UTRN: variants seen among roughly 807,000 people sequenced by gnomAD.
UTRN encodes the protein dystrophin-related protein 1.
A neutral mutation model predicts 463.9 loss-of-function variants in UTRN; 283 were observed. The ratio of observed to expected loss-of-function variants is 0.61; its 90% CI spans 0.55 to 0.67. UTRN has a LOEUF of 0.67. UTRN is among the 30% of genes least tolerant of loss of function. The pLI is 0.00. For missense variants in UTRN, 3,922 were observed against 4,084.3 expected, an observed-to-expected ratio of 0.96 and a Z score of 1.08; for synonymous variants, 1,442 against 1,431.5, an observed-to-expected ratio of 1.01 and a Z score of -0.17.
rs1801511213 is a variant in UTRN, at chr6:144,577,088, G to A, written c.7290-11G>A. 1 of 1,611,758 alleles carries A rather than the reference G, an allele frequency of 6.2e-7. No homozygotes were observed. The highest frequency in any genetic ancestry group is 8.5e-7 in the Non-Finnish European group (1 of 1,178,372). ...AGTAATGGAGCCGTGCTGTCATATT[G>A]TTACTTTCAGTATTGCTGACAGACA... On this transcript the variant is annotated splice_polypyrimidine_tract_variant and intron_variant, in intron 50 of 74. Coordinates refer to ENST00000367545, the MANE Select transcript of UTRN (RefSeq NM_007124.3).
intron 64 of UTRN, among the ~76,000 whole-genome samples, chr6:144,799,084 G>T (rs530071533): frequency 1.9e-4 from 29 of 152,204 alleles, no homozygotes; most frequent in Non-Finnish European, 3.1e-4. Context: ...GTACCAATAC[G>T]GTGATTCTCT....
At chr6:144,427,316 A>G (rs533401838) in intron 7 of UTRN, among the ~76,000 whole-genome samples, 1 of 152,322 alleles carries the variant, frequency 6.6e-6, no homozygotes, top group East Asian at 1.9e-4. Context: ...TTATTGTTGT[A>G]AATGATTACT....
chr6:144,507,880 A>G (rs1794820029), intron 34 of UTRN, among the ~76,000 whole-genome samples: 3 of 152,140 alleles, frequency 2.0e-5, no homozygotes, highest in African/African-American at 7.2e-5. Flanking sequence ...CCTTTCCCCC[A>G]GGTGCTCTGT....
At chr6:144,773,427 C>T (rs763516766) in intron 59 of UTRN, among the ~76,000 whole-genome samples, 3 of 152,174 alleles carry the variant, frequency 2.0e-5, no homozygotes, top group Non-Finnish European at 2.9e-5. Context: ...GCTTTCTCTT[C>T]ATCACCTTCC....
intron 2 of UTRN, among the ~76,000 whole-genome samples, chr6:144,327,940 G>A (rs978175931): frequency 1.3e-5 from 2 of 151,982 alleles, no homozygotes; most frequent in East Asian, 1.9e-4. Flanking sequence ...GCGAAACTCC[G>A]TCTCAAAACA....
chr6:144,315,643 C>T (rs1775235032), intron 2 of UTRN, among the ~76,000 whole-genome samples: 1 of 152,258 alleles, frequency 6.6e-6, no homozygotes, highest in Non-Finnish European at 1.5e-5. Flanking sequence ...GTCTGATGGA[C>T]ACACTACTTC....
chr6:144,823,969 C>T (rs896884342), intron 66 of UTRN, among the ~76,000 whole-genome samples: 3 of 151,986 alleles, frequency 2.0e-5, no homozygotes, highest in Non-Finnish European at 4.4e-5. Context: ...AGTTAACATC[C>T]GACTAGAAGG....
At chr6:144,456,309 T>C (rs1403936025) in intron 19 of UTRN, among the ~76,000 whole-genome samples, 1 of 152,146 alleles carries the variant, frequency 6.6e-6, no homozygotes, top group East Asian at 1.9e-4. Context: ...CCTAATGCAT[T>C]TTACATAAGT....
intron 51 of UTRN, among the ~76,000 whole-genome samples, chr6:144,629,911 C>A (rs573370763): frequency 2.6e-5 from 4 of 152,246 alleles, no homozygotes; most frequent in African/African-American, 9.6e-5. Flanking sequence ...TCTGGCCGGG[C>A]GTAGTGGCTC....
At chr6:144,845,383 C>T (rs577563934) in intron 73 of UTRN, among the ~76,000 whole-genome samples, 3 of 152,280 alleles carry the variant, frequency 2.0e-5, no homozygotes, top group Admixed American at 2.0e-4. Context: ...CCAAGAAATG[C>T]TTTCAAAATT....
At chr6:144,739,292 A>G (rs1393886244) in intron 54 of UTRN, among the ~76,000 whole-genome samples, 4 of 152,230 alleles carry the variant, frequency 2.6e-5, no homozygotes, top group Admixed American at 6.5e-5. Flanking sequence ...AGTCCACTTT[A>G]TGCCAGTATT....
chr6:144,333,035 G>A (rs940011783), intron 2 of UTRN, among the ~76,000 whole-genome samples: 2 of 151,860 alleles, frequency 1.3e-5, no homozygotes, highest in African/African-American at 4.8e-5. Flanking sequence ...CCGGATTCCA[G>A]CCAATTCTCC....
intron 57 of UTRN, among the ~76,000 whole-genome samples, chr6:144,757,255 A>AT (rs59230895): frequency 6.7e-6 from 1 of 149,888 alleles, no homozygotes; most frequent in Non-Finnish European, 1.5e-5. Context: ...AAAAAAAAAA[A>AT]GTACCTCAAT....
intron 1 of UTRN, among the ~76,000 whole-genome samples, chr6:144,291,381 A>G (rs1804235269): frequency 1.3e-5 from 2 of 152,102 alleles, no homozygotes; most frequent in African/African-American, 4.8e-5. Context: ...AATTCTTGTC[A>G]TCTTTAAAGG....
At chr6:144,838,213 T>A (rs1339452231) in intron 71 of UTRN, among the ~76,000 whole-genome samples, 2 of 152,168 alleles carry the variant, frequency 1.3e-5, no homozygotes, top group Non-Finnish European at 2.9e-5. Context: ...CCCTACTCCC[T>A]CCATCCCATT....
intron 53 of UTRN, among the ~76,000 whole-genome samples, chr6:144,727,575 A>G (rs143717572): frequency 0.025 from 3,786 of 152,020 alleles, 155 homozygotes; most frequent in African/African-American, 0.086. Context: ...TGGCTAACAC[A>G]GTGAAATGCC....
At chr6:144,363,426 T>G (rs2114691971) in intron 2 of UTRN, among the ~76,000 whole-genome samples, 1 of 152,316 alleles carries the variant, frequency 6.6e-6, no homozygotes, top group East Asian at 1.9e-4. Flanking sequence ...CTTGGCCTGG[T>G]CGGACCTGTT....
intron 58 of UTRN, among the ~76,000 whole-genome samples, chr6:144,760,139 A>G (rs1792490310): frequency 6.6e-6 from 1 of 152,108 alleles, no homozygotes; most frequent in African/African-American, 2.4e-5. Context: ...TTAATTATAT[A>G]TGACTGAGAA....
chr6:144,844,412 G>A (rs1306040531), intron 73 of UTRN, among the ~76,000 whole-genome samples: 1 of 152,014 alleles, frequency 6.6e-6, no homozygotes, highest in African/African-American at 2.4e-5. Context: ...GGGACTACAG[G>A]CACATGCCAC....
Sources: gnomAD v4.1 joint callset for allele counts (sites outside exome capture counted in the v4.1 genomes callset) on GRCh38, gnomAD v4.1.1 for gene constraint, MANE v1.5 for transcripts, NCBI Gene and HGNC (gene_info 2026-07-23, HGNC 2026-07-21) for gene names.